Variants in FOXP1 observed in about 807,000 individuals in gnomAD.
The protein encoded by FOXP1 is forkhead box protein P1.
In FOXP1, 15 loss-of-function variants were observed where a neutral mutation model predicts 98.2. The ratio of observed to expected loss-of-function variants is 0.15; its 90% CI spans 0.10 to 0.24. FOXP1 has a LOEUF of 0.24. Ranked by LOEUF, FOXP1 falls within the 10% of genes least tolerant of loss-of-function variation. The pLI is 1.00. For missense variants in FOXP1, 633 were observed against 848.5 expected (o/e 0.75, Z 3.15); for synonymous variants, 371 against 314.5 (o/e 1.18, Z -1.90).
In FOXP1 at chr3:71,534,190, C is replaced by T. The variant is rs942621720; in HGVS notation, c.-297-40635G>A. Among the ~76,000 whole-genome samples, 150 of 152,070 alleles carry T rather than the reference C, an allele frequency of 9.9e-4. 4 individuals are homozygous for T. Among genetic ancestry groups the T allele is most frequent in the Non-Finnish European group, 3.5e-4 (24 of 68,008 alleles). ...ACCAGCCTGGCCAACACAGTGAAAC[C>T]CTGTCTCTACTAAAAATACAAAATT... On this transcript the variant is annotated intron_variant, in intron 2 of 20. Transcript: ENST00000649528.
intron 2 of FOXP1, among the ~76,000 whole-genome samples, chr3:71,574,783 G>C (rs371868036): frequency 6.6e-6 from 1 of 152,172 alleles, no homozygotes; most frequent in African/African-American, 2.4e-5. Context: ...AATTCAAAAG[G>C]AAATTATCTG....
chr3:71,274,252 C>T (rs2070677878), intron 5 of FOXP1, among the ~76,000 whole-genome samples: 1 of 152,166 alleles, frequency 6.6e-6, no homozygotes, highest in East Asian at 1.9e-4. Context: ...ATGTTGCAAA[C>T]AGGAAACAGA....
rs79164433 is a variant in FOXP1, at chr3:71,167,469, A to G, written c.180+30733T>C. On this transcript the variant is annotated intron_variant, in intron 6 of 20. Transcript: ENST00000649528. The stretch of plus-strand genomic sequence containing the variant: ...TGAATTTTCAGAGAGCTTTTCTGAT[A>G]GTTTCTTGTTGATGTTGTTATTATT... Among the ~76,000 whole-genome samples, 722 of 152,344 alleles carry G rather than the reference A, an allele frequency of 4.7e-3. 5 individuals are homozygous for G. Among genetic ancestry groups the G allele is most frequent in the African/African-American group, 0.017 (696 of 41,582 alleles).
intron 4 of FOXP1, chr3:71,306,042 GC>G (rs938650784): frequency 3.3e-5 from 5 of 152,412 alleles, no homozygotes. Context: ...AGGTATGTGG[GC>G]TAAACACAAC....
chr3:71,100,812 A>G (rs1194754653), intron 7 of FOXP1, among the ~76,000 whole-genome samples: 1 of 152,214 alleles, frequency 6.6e-6, no homozygotes, highest in South Asian at 2.1e-4. Flanking sequence ...CTCCCCAGTC[A>G]GAAGGCTATA....
At chr3:71,560,824 C>A (rs1425170113) in intron 2 of FOXP1, among the ~76,000 whole-genome samples, 1 of 152,084 alleles carries the variant, frequency 6.6e-6, no homozygotes, top group Non-Finnish European at 1.5e-5. Flanking sequence ...GAGTTTCATT[C>A]CATTCATATG....
intron 12 of FOXP1, among the ~76,000 whole-genome samples, chr3:71,014,163 T>A (rs1237479174): frequency 6.6e-6 from 1 of 152,140 alleles, no homozygotes. Context: ...TGGGATCTAA[T>A]TAAACTAAAA....
chr3:71,303,121 CT>C (rs200435819), intron 4 of FOXP1, among the ~76,000 whole-genome samples: 2 of 152,072 alleles, frequency 1.3e-5, no homozygotes, highest in African/African-American at 2.4e-5. Flanking sequence ...AGTATCAGCT[CT>C]TTTTTTCCCC....
chr3:71,185,223 T>C (rs1037305939), intron 6 of FOXP1, among the ~76,000 whole-genome samples: 2 of 150,992 alleles, frequency 1.3e-5, no homozygotes, highest in Non-Finnish European at 2.9e-5. Context: ...ACATGAACTA[T>C]GCCAGTACAG....
chr3:71,433,687 C>A (rs976164782), intron 3 of FOXP1, among the ~76,000 whole-genome samples: 1 of 152,180 alleles, frequency 6.6e-6, no homozygotes, highest in Non-Finnish European at 1.5e-5. Flanking sequence ...CCCCAGCTTG[C>A]AATGTATTCT....
chr3:71,474,669 G>A (rs550205344), intron 3 of FOXP1, among the ~76,000 whole-genome samples: 48 of 151,846 alleles, frequency 3.2e-4, no homozygotes, highest in Non-Finnish European at 6.0e-4. Context: ...CACTCCTTAT[G>A]AGAATCTAAT....
intron 19 of FOXP1, 107 bp downstream of exon 19, chr3:70,970,629 A>C (rs1472155039): frequency 5.1e-6 from 5 of 989,082 alleles, no homozygotes; most frequent in Non-Finnish European, 6.5e-6. Context: ...AAAAAAGTTT[A>C]ACGGAATTAA....
chr3:71,027,784 G>T (rs1458389470), intron 11 of FOXP1, among the ~76,000 whole-genome samples: 2 of 151,998 alleles, frequency 1.3e-5, no homozygotes, highest in Admixed American at 6.6e-5. Context: ...ATAACATAAG[G>T]AATATATATT....
At chr3:71,149,801 T>A (rs984691278) in intron 6 of FOXP1, among the ~76,000 whole-genome samples, 3 of 152,202 alleles carry the variant, frequency 2.0e-5, no homozygotes, top group African/African-American at 7.2e-5. Context: ...TTCTCTTTCA[T>A]TCTCTCCTCT....
chr3:71,371,767 T>C (rs2079332042), intron 3 of FOXP1, among the ~76,000 whole-genome samples: 1 of 152,160 alleles, frequency 6.6e-6, no homozygotes, highest in African/African-American at 2.4e-5. Flanking sequence ...CCAGCCTAGA[T>C]GGCAGAGAAC....
intron 3 of FOXP1, among the ~76,000 whole-genome samples, chr3:71,429,053 C>T (rs538783632): frequency 6.6e-6 from 1 of 152,196 alleles, no homozygotes; most frequent in Non-Finnish European, 1.5e-5. Context: ...GTTATTACAG[C>T]CGGCAAGCAC....
chr3:71,436,083 G>C (rs2085323864), intron 3 of FOXP1, among the ~76,000 whole-genome samples: 1 of 151,800 alleles, frequency 6.6e-6, no homozygotes, highest in Non-Finnish European at 1.5e-5. Context: ...AACCATTTCT[G>C]ATTTTTCAGG....
At chr3:71,386,888 T>C (rs956824883) in intron 3 of FOXP1, among the ~76,000 whole-genome samples, 1 of 152,158 alleles carries the variant, frequency 6.6e-6, no homozygotes, top group African/African-American at 2.4e-5. Flanking sequence ...TTAATTAATG[T>C]TACTGAATTC....
chr3:71,363,325 T>C (rs1577139623), intron 3 of FOXP1, among the ~76,000 whole-genome samples: 1 of 152,232 alleles, frequency 6.6e-6, no homozygotes, highest in Non-Finnish European at 1.5e-5. Flanking sequence ...CAACTTCTTA[T>C]TTTATAAAAT....
Sources: gnomAD v4.1 joint callset for allele counts (sites outside exome capture counted in the v4.1 genomes callset) on GRCh38, gnomAD v4.1.1 for gene constraint, MANE v1.5 for transcripts, NCBI Gene and HGNC (gene_info 2026-07-23, HGNC 2026-07-21) for gene names.